The following TRIP12 variants were observed in gnomAD, a reference collection of about 807,000 sequenced individuals.
The protein encoded by TRIP12 is E3 ubiquitin-protein ligase TRIP12.
Under a neutral mutation model 244.2 loss-of-function variants are expected in TRIP12, and 25 were observed. That is an observed-to-expected ratio of 0.10 (90% CI 0.07 to 0.14). The LOEUF is 0.14. TRIP12 is among the 10% of genes least tolerant of loss of function. TRIP12 has a pLI of 1.00. For missense variants in TRIP12, 1,677 were observed against 2,486.4 expected (o/e 0.67, Z 6.92); for synonymous variants, 905 against 873.1 (o/e 1.04, Z -0.64).
At chr2:229,819,492 C>T (rs1443709706) in intron 8 of TRIP12, among the ~76,000 whole-genome samples, 1 of 152,144 alleles carries the variant, frequency 6.6e-6, no homozygotes, top group Non-Finnish European at 1.5e-5. Flanking sequence ...TTGCAGTGAG[C>T]CGAGATCATG....
At chr2:229,839,580 G>A (rs953640057) in intron 5 of TRIP12, among the ~76,000 whole-genome samples, 2 of 152,030 alleles carry the variant, frequency 1.3e-5, no homozygotes, top group African/African-American at 4.8e-5. Context: ...TCGGGAGGCC[G>A]AGGCAGGAGA....
chr2:229,769,532 T>C (rs1014352094), intron 39 of TRIP12, among the ~76,000 whole-genome samples: 2 of 151,942 alleles, frequency 1.3e-5, no homozygotes, highest in Non-Finnish European at 2.9e-5. Flanking sequence ...CGCTATTAAG[T>C]ACCCTGCCCA....
chr2:229,923,106 CTTAG>C (rs1306455177), upstream of TRIP12: 1 of 154,226 alleles, frequency 6.5e-6, no homozygotes, highest in Non-Finnish European at 1.4e-5. Context: ...CACATCAAAA[CTTAG>C]TTATTTCTAG....
At position 229,791,140 on chromosome 2, in the gene TRIP12, A is replaced by G. The variant is rs751622609; in HGVS notation, c.4527T>C (p.His1509=). ...CCATCTTACCGTGCCATAACTCATC[A>G]TGCTTTTTTGCATTTCTAGGGGAAG... ...TKTSPRNAKK[H]DELWHDGVCP... is the part of the protein sequence containing the mutation. The change falls in exon 30 of 42, where the codon CAT becomes CAC. Residue 1509 remains histidine (H), a synonymous_variant. Coordinates refer to ENST00000675903, the MANE Select transcript of TRIP12 (RefSeq NM_001348323.3). The G allele has an allele frequency of 2.2e-5, 35 of 1,613,960 alleles. No homozygotes were observed. The highest frequency in any genetic ancestry group is 3.0e-5 in the Non-Finnish European group (35 of 1,179,984).
At chr2:229,771,678 T>G (rs375303592) in intron 38 of TRIP12, 46 bp from the exon 39 acceptor site, 2 of 1,442,758 alleles carry the variant, frequency 1.4e-6, no homozygotes, top group South Asian at 1.1e-5. Context: ...ATTTCAAATC[T>G]CTTTACTATT....
chr2:229,899,624 C>A (rs2070019994), intron 1 of TRIP12, among the ~76,000 whole-genome samples: 2 of 152,142 alleles, frequency 1.3e-5, no homozygotes, highest in South Asian at 4.1e-4. Context: ...AGGCGACAAA[C>A]TACTACTCTA....
At chr2:229,848,405 A>G (rs2058023276) in intron 4 of TRIP12, among the ~76,000 whole-genome samples, 1 of 151,014 alleles carries the variant, frequency 6.6e-6, no homozygotes, top group African/African-American at 2.4e-5. Flanking sequence ...AAGAAATGCA[A>G]CCATAAACCA....
At chr2:229,823,443 G>T (rs1221452942) in intron 8 of TRIP12, among the ~76,000 whole-genome samples, 1 of 152,032 alleles carries the variant, frequency 6.6e-6, no homozygotes, top group African/African-American at 2.4e-5. Context: ...AGAGGCCGAG[G>T]TGGGGTGGAT....
Position 229,774,175 on chromosome 2 carries a change from T to C in TRIP12, c.5616A>G (p.Pro1872=). The C allele has an allele frequency of 6.2e-7, 1 of 1,614,206 alleles. No homozygotes were observed. Among genetic ancestry groups the C allele is most frequent in the Non-Finnish European group, 8.5e-7 (1 of 1,180,032 alleles). The change falls in exon 38 of 42, where the codon CCA becomes CCG. Residue 1872 remains proline (P), a synonymous_variant. Transcript: ENST00000675903. ...VEDLGLDFTL[P]GFPNIELKKG... ...TCTTCAGTTCGATATTGGGAAACCC[T>C]GGCAGAGTGAAATCCAGTCCTAGAT...
chr2:229,784,134 G>GA (rs570754339), intron 34 of TRIP12, among the ~76,000 whole-genome samples: 134 of 101,418 alleles, frequency 1.3e-3, no homozygotes, highest in East Asian at 4.3e-3. Flanking sequence ...AGAGAGAAAA[G>GA]AAAAAAAAAA....
chr2:229,823,391 T>G (rs2050604913), intron 8 of TRIP12, among the ~76,000 whole-genome samples: 1 of 152,026 alleles, frequency 6.6e-6, no homozygotes, highest in Admixed American at 6.6e-5. Context: ...TTCCTAGGCT[T>G]GGCCAGGCAT....
rs2043656388 is a variant in TRIP12 at position 229,799,442 on chromosome 2, CA to C, written c.3207-60del. The C allele has an allele frequency of 2.7e-6, 4 of 1,502,488 alleles. No homozygotes were observed. The South Asian group carries it at 4.5e-5, about 17-fold the overall frequency. 93.1% of individuals were successfully genotyped at this position (1,502,488 alleles called of 1,614,324 possible). A position where few individuals can be genotyped will look rare whatever the true frequency, so the allele number is the denominator to read the frequency against. On this transcript the variant is annotated intron_variant, in intron 21 of 41. Transcript: ENST00000675903. Reference sequence around the variant, plus strand: ...ATTACCACTGTTTTATATCTTCACTCACTGAAAAAGCAAACTAAAATGGCAG... The same window carrying C: ...ATTACCACTGTTTTATATCTTCACTCCTGAAAAAGCAAACTAAAATGGCAG...
At chr2:229,791,373 C>T (rs780358210) in intron 29 of TRIP12, 122 bp from the exon 30 acceptor site, 3 of 1,144,388 alleles carry the variant, frequency 2.6e-6, no homozygotes, top group Non-Finnish European at 3.7e-6. Context: ...TCCTCTCTCT[C>T]CCTAGTGTGA....
At chr2:229,845,027 T>A (rs894989409) in intron 4 of TRIP12, among the ~76,000 whole-genome samples, 3 of 152,192 alleles carry the variant, frequency 2.0e-5, no homozygotes, top group Non-Finnish European at 2.9e-5. Flanking sequence ...TCCACCATAC[T>A]GATTCATTCA....
chr2:229,777,251 T>G, intron 37 of TRIP12, 64 bp downstream of exon 37: 1 of 1,536,428 alleles, frequency 6.5e-7, no homozygotes, highest in Non-Finnish European at 8.8e-7. Flanking sequence ...ACAAACTATT[T>G]AACAAAAGCC....
At chr2:229,872,122 A>AAAAG (rs2062740976) in intron 2 of TRIP12, among the ~76,000 whole-genome samples, 1 of 149,832 alleles carries the variant, frequency 6.7e-6, no homozygotes, top group African/African-American at 2.4e-5. Context: ...AAAAAAAAAA[A>AAAAG]AAAAAAAAAA....
chr2:229,782,053 A>G (rs901772602), intron 34 of TRIP12, among the ~76,000 whole-genome samples: 3 of 152,310 alleles, frequency 2.0e-5, no homozygotes, highest in East Asian at 1.9e-4. Flanking sequence ...GAGAGGAAAG[A>G]TATTTCCTGG....
intron 1 of TRIP12, among the ~76,000 whole-genome samples, chr2:229,897,024 G>A (rs1026078222): frequency 3.9e-5 from 6 of 152,272 alleles, no homozygotes; most frequent in East Asian, 1.9e-4. Flanking sequence ...GTACCACTTC[G>A]GTGGGGGATG....
chr2:229,812,757 C>A (rs189086723), intron 13 of TRIP12, among the ~76,000 whole-genome samples: 1 of 152,086 alleles, frequency 6.6e-6, no homozygotes, highest in African/African-American at 2.4e-5. Flanking sequence ...AGTGAGATCA[C>A]GCCACTGCAC....
Sources: gnomAD v4.1 joint callset for allele counts (sites outside exome capture counted in the v4.1 genomes callset) on GRCh38, gnomAD v4.1.1 for gene constraint, MANE v1.5 for transcripts, NCBI Gene and HGNC (gene_info 2026-07-23, HGNC 2026-07-21) for gene names.